Variants in NCOA1 observed in about 807,000 individuals in gnomAD.
The protein encoded by NCOA1 is Hin-2 protein.
Under a neutral mutation model 150.9 loss-of-function variants are expected in NCOA1, and 35 were observed. The observed-to-expected ratio is 0.23, with a 90% confidence interval of 0.18 to 0.31. The LOEUF is 0.31. NCOA1 is among the 10% of genes least tolerant of loss of function. The pLI is 1.00. For missense variants in NCOA1, 1,491 were observed against 1,749.3 expected (o/e 0.85, Z 2.63); for synonymous variants, 590 against 630.0 (o/e 0.94, Z 0.95).
chr2:24,666,671 G>A (rs892476471), intron 6 of NCOA1, among the ~76,000 whole-genome samples: 1 of 148,058 alleles, frequency 6.8e-6, no homozygotes, highest in Non-Finnish European at 1.5e-5. Flanking sequence ...TCCTCATTCT[G>A]TCACAGGCTG....
intron 1 of NCOA1, among the ~76,000 whole-genome samples, chr2:24,530,640 A>C (rs1664843696): frequency 6.6e-6 from 1 of 152,202 alleles, no homozygotes; most frequent in Non-Finnish European, 1.5e-5. Flanking sequence ...CCTCATGCCC[A>C]CTTCATTTGC....
chr2:24,665,268 G>T (rs948560005), intron 5 of NCOA1, among the ~76,000 whole-genome samples: 4 of 151,814 alleles, frequency 2.6e-5, no homozygotes, highest in African/African-American at 9.7e-5. Context: ...ATCAACTAAT[G>T]GTTTAATCAT....
intron 2 of NCOA1, among the ~76,000 whole-genome samples, chr2:24,579,462 C>G (rs1050432353): frequency 6.6e-6 from 1 of 152,144 alleles, no homozygotes; most frequent in Non-Finnish European, 1.5e-5. Flanking sequence ...AGGAGTTAAT[C>G]TACCTTTGCC....
chr2:24,647,560 A>G (rs182984783), intron 4 of NCOA1, among the ~76,000 whole-genome samples: 3 of 152,304 alleles, frequency 2.0e-5, no homozygotes, highest in Admixed American at 2.0e-4. Context: ...AGCATAATTT[A>G]TTAGTATGAT....
chr2:24,532,703 A>G (rs1664949904), intron 1 of NCOA1, among the ~76,000 whole-genome samples: 1 of 152,238 alleles, frequency 6.6e-6, no homozygotes, highest in African/African-American at 2.4e-5. Flanking sequence ...CATTTATTAA[A>G]TAGGGAATCC....
intron 1 of NCOA1, among the ~76,000 whole-genome samples, chr2:24,525,540 G>A (rs576428023): frequency 1.6e-3 from 234 of 150,258 alleles, no homozygotes; most frequent in African/African-American, 5.0e-3. Context: ...TCTTTATTAT[G>A]TTAGAAAGTT....
At position 24,658,744 on chromosome 2, in the gene NCOA1, C is replaced by T. The variant is rs2148492023; in HGVS notation, c.67C>T (p.Pro23Ser). The T allele has an allele frequency of 6.2e-7, 1 of 1,614,008 alleles. No individual in the cohort carries two copies. Among genetic ancestry groups the T allele is most frequent in the Non-Finnish European group, 8.5e-7 (1 of 1,179,918 alleles). Residue 23 changes from proline to serine, a missense_variant, in exon 5 of 23, where the codon CCA becomes TCA. Pro to Ser is a moderately conservative substitution (Grantham distance 74, BLOSUM62 -1). This residue lies in a region of NCOA1 where 40 missense variants were observed against 39.6 expected (regional missense o/e 1.01). Coordinates refer to ENST00000348332, the MANE Select transcript of NCOA1 (RefSeq NM_003743.5). Reference sequence around the variant, plus strand: ...AGACTCACATAAGAGGAAAGGATCGCCATGTGACACACTGGCATCAAGGTA... The same window carrying T: ...AGACTCACATAAGAGGAAAGGATCGTCATGTGACACACTGGCATCAAGGTA... ...NPDSHKRKGS[P>S]CDTLASSTEK...
intron 2 of NCOA1, among the ~76,000 whole-genome samples, chr2:24,575,330 T>A (rs1382641254): frequency 6.6e-6 from 1 of 152,178 alleles, no homozygotes; most frequent in East Asian, 1.9e-4. Context: ...CTAAAAACAG[T>A]CTTGCATTTC....
At chr2:24,506,027 A>G (rs1370096635) in intron 1 of NCOA1, among the ~76,000 whole-genome samples, 1 of 151,726 alleles carries the variant, frequency 6.6e-6, no homozygotes, top group Non-Finnish European at 1.5e-5. Flanking sequence ...GAGCCATTGG[A>G]GCCTTTGGAT....
At chr2:24,656,087 C>CAAAAAAAAAAAAAAAAAAAAGAAA (rs1670935128) in intron 4 of NCOA1, among the ~76,000 whole-genome samples, 1 of 62,080 alleles carries the variant, frequency 1.6e-5, no homozygotes, top group Non-Finnish European at 3.6e-5. Context: ...GACTCCGTCT[C>CAAAAAAAAAAAAAAAAAAAAGAAA]AAAAAAAAAA....
chr2:24,741,807 G>A lies in NCOA1; in HGVS notation c.3327G>A (p.Leu1109=). 6.2e-7 allele frequency: 1 copy of A among 1,613,330 alleles called. No homozygotes were observed. Among genetic ancestry groups the A allele is most frequent in the Non-Finnish European group, 8.5e-7 (1 of 1,179,660 alleles). ...AGCCACCCCTGAATGCTCAAATGTT[G>A]GCACAACGTCAGCGGGAACTGTACA... is the stretch of plus-strand genomic sequence containing the variant. ...TPQPPLNAQM[L]AQRQRELYSQ... is the part of the protein sequence containing the mutation. The change falls in exon 19 of 23, where the codon TTG becomes TTA. Residue 1109 remains leucine, a synonymous_variant. Transcript: ENST00000348332.
intron 1 of NCOA1, among the ~76,000 whole-genome samples, chr2:24,548,651 A>G (rs1665702287): frequency 6.6e-6 from 1 of 152,214 alleles, no homozygotes; most frequent in South Asian, 2.1e-4. Flanking sequence ...GCATTGGGTA[A>G]ATACAGCCAT....
At chr2:24,762,547 C>G in intron 21 of NCOA1, 140 bp from the exon 22 acceptor site, 1 of 724,120 alleles carries the variant, frequency 1.4e-6, no homozygotes, top group Non-Finnish European at 2.4e-6. Flanking sequence ...TGACTTGTAA[C>G]AACACAGTTA....
rs925908274 is a variant in NCOA1, at chr2:24,610,248, C to T, written c.-175+25688C>T. ...AAGCGATTCTCCTGCCTCAGCCTCCCGAATAGCTAGGACTACAGGCACTTG... is the reference window on the plus strand; with the variant it reads ...AAGCGATTCTCCTGCCTCAGCCTCCTGAATAGCTAGGACTACAGGCACTTG... On this transcript the variant is annotated intron_variant, in intron 3 of 22. Coordinates refer to ENST00000348332, the MANE Select transcript of NCOA1 (RefSeq NM_003743.5). 5.9e-5 allele frequency among the ~76,000 whole-genome samples: 9 copies of T among 151,470 alleles called. 1 individual carries two copies. The highest frequency in any genetic ancestry group is 9.7e-5 in the African/African-American group (4 of 41,198).
chr2:24,675,720 A>T (rs941345978), intron 7 of NCOA1, among the ~76,000 whole-genome samples: 1 of 152,160 alleles, frequency 6.6e-6, no homozygotes, highest in African/African-American at 2.4e-5. Context: ...TCCCATCTCT[A>T]CTAAAAATAT....
chr2:24,686,735 A>G (rs1484643092), intron 8 of NCOA1, among the ~76,000 whole-genome samples: 1 of 152,188 alleles, frequency 6.6e-6, no homozygotes, highest in African/African-American at 2.4e-5. Flanking sequence ...GTTAACTTAA[A>G]AAAATCGAAT....
At chr2:24,695,249 T>TA (rs1327937092) in intron 10 of NCOA1, among the ~76,000 whole-genome samples, 1 of 151,876 alleles carries the variant, frequency 6.6e-6, no homozygotes, top group Non-Finnish European at 1.5e-5. Flanking sequence ...TCATGTAAAA[T>TA]AAAAAATTAG....
chr2:24,744,480 C>T (rs1003774236), intron 19 of NCOA1, among the ~76,000 whole-genome samples: 11 of 152,162 alleles, frequency 7.2e-5, no homozygotes, highest in African/African-American at 2.4e-4. Context: ...TTTCTGTCAC[C>T]ACTCTTAATT....
intron 1 of NCOA1, among the ~76,000 whole-genome samples, chr2:24,501,325 G>A (rs1015596269): frequency 3.3e-5 from 5 of 151,996 alleles, no homozygotes; most frequent in Non-Finnish European, 7.4e-5. Flanking sequence ...ACCGAATATA[G>A]AACTAGACCT....
Sources: gnomAD v4.1 joint callset for allele counts (sites outside exome capture counted in the v4.1 genomes callset) on GRCh38, gnomAD v4.1.1 for gene constraint, gnomAD v4.1.1 regional missense constraint, MANE v1.5 for transcripts, NCBI Gene and HGNC (gene_info 2026-07-23, HGNC 2026-07-21) for gene names.